Variants in RCOR3 observed in about 807,000 individuals in gnomAD.
The protein encoded by RCOR3 is REST corepressor 3.
Under a neutral mutation model 64.1 loss-of-function variants are expected in RCOR3, and 13 were observed. The ratio of observed to expected loss-of-function variants is 0.20; its 90% CI spans 0.13 to 0.32. RCOR3 has a LOEUF of 0.32. Among genes scored for constraint, RCOR3 ranks in the 10% least tolerant of loss-of-function variants. RCOR3 has a pLI of 1.00. For synonymous variants in RCOR3, 215 were observed against 239.0 expected (o/e 0.90, Z 0.93); for missense variants, 489 against 701.2 (o/e 0.70, Z 3.42).
At position 211,314,748 on chromosome 1, in the gene RCOR3, A is replaced by G. The variant is rs1701780501; in HGVS notation, c.*980A>G. On this transcript the variant is annotated 3_prime_UTR_variant, in exon 12 of 12. Coordinates refer to ENST00000419091, the MANE Select transcript of RCOR3 (RefSeq NM_001136223.3). ...GTACCCTTTACATGTTTGGTTTCTG[A>G]ACTTAAAATTGCCCTCATACTTAAT... 6.6e-6 allele frequency: 1 copy of G among 152,162 alleles called. No individual in the cohort carries two copies. Among genetic ancestry groups the G allele is most frequent in the South Asian group, 2.1e-4 (1 of 4,826 alleles). 9.4% of individuals were successfully genotyped at this position (152,162 alleles called of 1,614,324 possible). A position where few individuals can be genotyped will look rare whatever the true frequency, so the allele number is the denominator to read the frequency against.
chr1:211,305,296 T>A (rs927125527), intron 10 of RCOR3, among the ~76,000 whole-genome samples: 1 of 152,222 alleles, frequency 6.6e-6, no homozygotes, highest in African/African-American at 2.4e-5. Context: ...GGATGTGCAT[T>A]GGGCACATCT....
chr1:211,259,782 C>T (rs1693854165), intron 1 of RCOR3, 56 bp downstream of exon 1: 6 of 1,314,284 alleles, frequency 4.6e-6, no homozygotes, highest in Non-Finnish European at 5.0e-6. Context: ...CTCTTCCCCT[C>T]CCCCAGCCCC....
At chr1:211,266,811 A>T (rs1292988021) in intron 2 of RCOR3, among the ~76,000 whole-genome samples, 3 of 152,252 alleles carry the variant, frequency 2.0e-5, no homozygotes, top group Non-Finnish European at 4.4e-5. Context: ...AAAGTGTCCC[A>T]AGAGGTAGAT....
At chr1:211,304,400 C>T (rs6692815) in intron 10 of RCOR3, among the ~76,000 whole-genome samples, 145,604 of 152,278 alleles carry the variant, frequency 0.96, 69,679 homozygotes, top group East Asian at 1. Context: ...ATGAAAAAGT[C>T]ACATGGGCTC....
chr1:211,270,316 G>T (rs1314339277), intron 2 of RCOR3, among the ~76,000 whole-genome samples: 1 of 152,026 alleles, frequency 6.6e-6, no homozygotes, highest in African/African-American at 2.4e-5. Context: ...GCCTGCCTTA[G>T]CCTCCCAAAG....
Position 211,271,412 on chromosome 1 carries a change from A to T in RCOR3, c.301+103A>T. 4 of 839,470 alleles carry T rather than the reference A, an allele frequency of 4.8e-6. No individual in the cohort carries two copies. In the South Asian group the frequency reaches 6.3e-5, roughly 13 times the overall value. 52.0% of individuals were successfully genotyped at this position (839,470 alleles called of 1,614,324 possible). A position where few individuals can be genotyped will look rare whatever the true frequency, so the allele number is the denominator to read the frequency against. ...GGGTCTTATAGATTCTCATAAGAAA[A>T]CAGTTTTGTCTTTGTTTTATTTTTT... On this transcript the variant is annotated intron_variant, in intron 3 of 11. Coordinates refer to ENST00000419091, the MANE Select transcript of RCOR3 (RefSeq NM_001136223.3).
chr1:211,262,033 C>CTTTTTTTTTT lies in RCOR3; in HGVS notation c.223+1882_223+1891dup, dbSNP rs1196587722. 6.7e-4 allele frequency among the ~76,000 whole-genome samples: 44 copies of CTTTTTTTTTT among 65,514 alleles called. 3 individuals are homozygous for CTTTTTTTTTT. The highest frequency in any genetic ancestry group is 8.0e-4 in the Non-Finnish European group (31 of 38,730). 43.0% of individuals were successfully genotyped at this position (65,514 alleles called of 152,430 possible). A position where few individuals can be genotyped will look rare whatever the true frequency, so the allele number is the denominator to read the frequency against. ...GCCTCAGTATTCCTAGCTATAAAAACTTTTTTTTTTTTTTTTTTTTTTGAG... is the reference window on the plus strand; with the variant it reads ...GCCTCAGTATTCCTAGCTATAAAAACTTTTTTTTTTTTTTTTTTTTTTTTTTTTTTTTGAG... On this transcript the variant is annotated intron_variant, in intron 2 of 11. Coordinates refer to ENST00000419091, the MANE Select transcript of RCOR3 (RefSeq NM_001136223.3).
chr1:211,267,468 C>G (rs762137375), intron 2 of RCOR3, among the ~76,000 whole-genome samples: 69 of 152,214 alleles, frequency 4.5e-4, no homozygotes, highest in Non-Finnish European at 4.6e-4. Flanking sequence ...CAGGATTGCT[C>G]TATGTATGCT....
Position 211,314,819 on chromosome 1 carries a change from A to G in RCOR3, c.*1051A>G, listed in dbSNP as rs1258216286. 4 of 152,134 alleles carry G rather than the reference A, an allele frequency of 2.6e-5. No individual in the cohort carries two copies. The highest frequency in any genetic ancestry group is 3.8e-4 in the East Asian group (2 of 5,206). The allele number at this position is 152,134 out of a possible 1,614,324, so 9.4% of individuals were successfully genotyped here. On this transcript the variant is annotated 3_prime_UTR_variant, in exon 12 of 12. Coordinates refer to ENST00000419091, the MANE Select transcript of RCOR3 (RefSeq NM_001136223.3). ...TGAAAGGTGTTTTATTGATAAATCT[A>G]TTGTACTATTTGGATACATTTGTGT...
At position 211,315,868 on chromosome 1, in the gene RCOR3, A is replaced by G. The variant is rs1019782980; in HGVS notation, c.*2100A>G. 2.6e-5 allele frequency: 4 copies of G among 152,216 alleles called. No homozygotes were observed. The highest frequency in any genetic ancestry group is 4.8e-5 in the African/African-American group (2 of 41,444). 9.4% of individuals were successfully genotyped at this position (152,216 alleles called of 1,614,324 possible). ...ACTTTAGCTTCATTAGTAATATGACACATGTATATAGTGAGATGTCTTTAT... is the reference window on the plus strand; with the variant it reads ...ACTTTAGCTTCATTAGTAATATGACGCATGTATATAGTGAGATGTCTTTAT... On this transcript the variant is annotated 3_prime_UTR_variant, in exon 12 of 12. Transcript: ENST00000419091.
Position 211,313,013 on chromosome 1 carries a change from T to G in RCOR3, c.1317+52T>G. 1.9e-6 allele frequency: 3 copies of G among 1,611,714 alleles called. No homozygotes were observed. The highest frequency in any genetic ancestry group is 2.5e-6 in the Non-Finnish European group (3 of 1,178,386). ...AATATGAGTTGAGGAATCACCATTT[T>G]GTGTGGTATTCTGTAAGGTTAATTT... On this transcript the variant is annotated intron_variant, in intron 11 of 11. Transcript: ENST00000419091. The surrounding 1 kb of genome is among the most constrained non-coding windows in gnomAD (Gnocchi z 4.7).
rs1040785638 is a variant in RCOR3 at position 211,303,996 on chromosome 1, T to C, written c.1018-87T>C. On this transcript the variant is annotated intron_variant, in intron 9 of 11. Transcript: ENST00000419091. ...CAGAGTTGTAGTAATCTCATGTCTG[T>C]GATTTGATGAAAATTTAAAAAAATA... The C allele has an allele frequency of 1.2e-5, 9 of 761,412 alleles. No homozygotes were observed. The African/African-American group carries it at 1.4e-4, about 12-fold the overall frequency. The allele number at this position is 761,412 out of a possible 1,614,324, so 47.2% of individuals were successfully genotyped here. A position where few individuals can be genotyped will look rare whatever the true frequency, so the allele number is the denominator to read the frequency against.
chr1:211,271,569 T>C (rs1463054821), intron 3 of RCOR3: 1 of 556,868 alleles, frequency 1.8e-6, no homozygotes, highest in Admixed American at 2.2e-5. Flanking sequence ...ATGGCATTGC[T>C]GCTTAAATCC....
Position 211,315,161 on chromosome 1 carries a change from A to T in RCOR3, c.*1393A>T, listed in dbSNP as rs1418890781. The T allele has an allele frequency of 3.9e-5, 6 of 152,212 alleles. No individual in the cohort carries two copies. The highest frequency in any genetic ancestry group is 4.4e-5 in the Non-Finnish European group (3 of 68,022). The allele number at this position is 152,212 out of a possible 1,614,324, so 9.4% of individuals were successfully genotyped here. ...ATTATTTGTGCAAAGGGACAGACAG[A>T]TCACTTAGATTGCTATACTAGTGGA... is the stretch of plus-strand genomic sequence containing the variant. On this transcript the variant is annotated 3_prime_UTR_variant, in exon 12 of 12. Coordinates refer to ENST00000419091, the MANE Select transcript of RCOR3 (RefSeq NM_001136223.3).
At chr1:211,259,947 A>T in intron 1 of RCOR3, 161 bp from the exon 2 acceptor site, 1 of 254,208 alleles carries the variant, frequency 3.9e-6, no homozygotes, top group Non-Finnish European at 4.8e-6. Flanking sequence ...CCCCGCCCCC[A>T]ATCCGCTGCC....
At chr1:211,289,505 C>A in intron 8 of RCOR3, 109 bp downstream of exon 8, 1 of 818,532 alleles carries the variant, frequency 1.2e-6, no homozygotes. Context: ...CAGCCATCCA[C>A]TTATGCAGGT....
chr1:211,291,717 T>C (rs1311145140), intron 8 of RCOR3: 3 of 342,326 alleles, frequency 8.8e-6, no homozygotes, highest in Non-Finnish European at 1.6e-5. Flanking sequence ...TTCTCTAACA[T>C]AGGCCACATT....
At chr1:211,296,339 A>T (rs75388871) in intron 9 of RCOR3, among the ~76,000 whole-genome samples, 1 of 430 alleles carries the variant, frequency 2.3e-3, no homozygotes, top group African/African-American at 2.8e-3. Context: ...AGGGGTACTT[A>T]ACATTCCCTT....
intron 7 of RCOR3, among the ~76,000 whole-genome samples, chr1:211,281,961 T>C (rs1697870124): frequency 6.6e-6 from 1 of 152,216 alleles, no homozygotes; most frequent in Admixed American, 6.5e-5. Flanking sequence ...AAGCATTTAG[T>C]AAAATTTTAA....
Sources: gnomAD v4.1 joint callset for allele counts (sites outside exome capture counted in the v4.1 genomes callset) on GRCh38, gnomAD v4.1.1 for gene constraint, Gnocchi (gnomAD v3.1) non-coding constraint, MANE v1.5 for transcripts, NCBI Gene and HGNC (gene_info 2026-07-23, HGNC 2026-07-21) for gene names.